The following SLC5A9 variants were observed in gnomAD, a reference collection of about 807,000 sequenced individuals.
SLC5A9 encodes the protein solute carrier family 5 member 9.
A neutral mutation model predicts 70.9 loss-of-function variants in SLC5A9; 59 were observed. The observed-to-expected ratio is 0.83, with a 90% confidence interval of 0.68 to 1.03. The LOEUF is 1.03. Ranked by LOEUF, SLC5A9 falls within the 50% of genes least tolerant of loss-of-function variation. SLC5A9 has a pLI of 0.00. For synonymous variants in SLC5A9, 340 were observed against 346.5 expected (o/e 0.98, Z 0.21); for missense variants, 832 against 881.1 (o/e 0.94, Z 0.71).
intron 2 of SLC5A9, chr1:48,228,494 C>T: frequency 4.4e-6 from 1 of 227,342 alleles, no homozygotes; most frequent in Non-Finnish European, 8.9e-6. Context: ...CTTCCCTATC[C>T]CCTTCAGCTT....
intron 5 of SLC5A9, 91 bp from the exon 6 acceptor site, chr1:48,231,442 GTGTGTCTTCTCT>G: frequency 7.2e-7 from 1 of 1,397,512 alleles, no homozygotes; most frequent in Non-Finnish European, 9.8e-7. Flanking sequence ...TAAGAGGGCT[GTGTGTCTTCTCT>G]GGTCTCCCCA....
In SLC5A9 at chr1:48,231,972, GGCCT is replaced by G; in HGVS notation, c.720_723del (p.Leu241SerfsTer33). 6.2e-7 allele frequency: 1 copy of G among 1,614,168 alleles called. No individual in the cohort carries two copies. The stretch of plus-strand genomic sequence containing the variant: ...CTTTCAGGACGTGGGCTGGTACCCA[GGCCT>G]GGAGCAGCGGTACAGGCAGGCCATC... On this transcript the variant is annotated frameshift_variant, in exon 7 of 14. Transcript: ENST00000438567. LOFTEE classifies it high-confidence loss of function.
rs1204506884 is a variant in SLC5A9 at position 48,222,845 on chromosome 1, G to A, written c.109G>A (p.Asp37Asn). 30 of 1,614,028 alleles carry A rather than the reference G, an allele frequency of 1.9e-5. 1 individual carries two copies. Among genetic ancestry groups the A allele is most frequent in the South Asian group, 7.7e-5 (7 of 91,076 alleles). ...LDSRVGLHAY[D>N]ISVVVIYFVF... is the part of the protein sequence containing the mutation. ...CTCCAGAGTTGGTCTGCACGCCTAC[G>A]ACATCAGCGTGGTGGTCATCTACTT... The change falls in exon 1 of 14, where the codon GAC becomes AAC. Residue 37 changes from aspartate to asparagine, a missense_variant. Asp to Asn is a conservative substitution (Grantham distance 23, BLOSUM62 1). Transcript: ENST00000438567.
intron 8 of SLC5A9, among the ~76,000 whole-genome samples, chr1:48,232,809 A>AAAGAG (rs143622039): frequency 6.7e-6 from 1 of 148,608 alleles, no homozygotes; most frequent in East Asian, 2.0e-4. Context: ...AAAGTAAAGA[A>AAAGAG]AAGAGAAGAG....
intron 13 of SLC5A9, among the ~76,000 whole-genome samples, chr1:48,243,880 C>T (rs1438341024): frequency 6.6e-6 from 1 of 152,096 alleles, no homozygotes; most frequent in Non-Finnish European, 1.5e-5. Flanking sequence ...TATTTTCTGC[C>T]TCAGTGAAAG....
chr1:48,232,056 C>T lies in SLC5A9; in HGVS notation c.802C>T (p.His268Tyr), dbSNP rs999167805. 6.2e-7 allele frequency: 1 copy of T among 1,614,176 alleles called. No individual in the cohort carries two copies. Among genetic ancestry groups the T allele is most frequent in the Non-Finnish European group, 8.5e-7 (1 of 1,180,006 alleles). ...TCACCTCCCACGGCCCGATGCTTTC[C>T]ACATTCTTCGGGACCCTGTGAGCGG... ...TCHLPRPDAF[H>Y]ILRDPVSGDI... The change falls in exon 7 of 14, where the codon CAC becomes TAC. Residue 268 changes from histidine (H) to tyrosine (Y), a missense_variant. By Grantham distance (83) the His-to-Tyr change is moderately conservative. Coordinates refer to ENST00000438567, the MANE Select transcript of SLC5A9 (RefSeq NM_001011547.3).
rs775413914 is a variant in SLC5A9 at position 48,239,381 on chromosome 1, G to C, written c.1521G>C (p.Glu507Asp). 6.2e-7 allele frequency: 1 copy of C among 1,614,172 alleles called. No homozygotes were observed. The highest frequency in any genetic ancestry group is 8.5e-7 in the Non-Finnish European group (1 of 1,180,022). ...TGGGGCTTCTGCGTATGATCCTGGA[G>C]TTCTCATACCCAGCGCCAGCCTGTG... ...LGVGLLRMILEFSYPAPACGE... is the reference protein window; with the variant it reads ...LGVGLLRMILDFSYPAPACGE... The change falls in exon 12 of 14, where the codon GAG (glutamate) becomes GAC (aspartate). Residue 507 changes from glutamate to aspartate, a missense_variant. By Grantham distance (45) the Glu-to-Asp change is conservative (BLOSUM62 2). Coordinates refer to ENST00000438567, the MANE Select transcript of SLC5A9 (RefSeq NM_001011547.3). This position sits in a 1 kb window ranked among gnomAD's most constrained non-coding sequence, Gnocchi z 4.2.
chr1:48,235,271 C>T (rs1351529981), intron 9 of SLC5A9, among the ~76,000 whole-genome samples: 1 of 152,210 alleles, frequency 6.6e-6, no homozygotes, highest in Non-Finnish European at 1.5e-5. Context: ...CCAACACCAC[C>T]ATGTCAATGA....
chr1:48,230,789 G>C (rs1644237604), intron 5 of SLC5A9, 84 bp downstream of exon 5: 1 of 1,012,024 alleles, frequency 9.9e-7, no homozygotes, highest in African/African-American at 1.6e-5. Context: ...CAACCAGAGA[G>C]AGAGACAGAG....
intron 13 of SLC5A9, among the ~76,000 whole-genome samples, chr1:48,242,932 G>C (rs1644409254): frequency 6.6e-6 from 1 of 152,086 alleles, no homozygotes; most frequent in African/African-American, 2.4e-5. Flanking sequence ...TCTGATCGGG[G>C]CACAGAATAA....
intron 1 of SLC5A9, 60 bp from the exon 2 acceptor site, chr1:48,224,664 G>T: frequency 6.4e-7 from 1 of 1,551,634 alleles, no homozygotes. Context: ...TGCGGGGAGG[G>T]GGCAGGGCAG....
rs878919184 is a variant in SLC5A9 at position 48,232,571 on chromosome 1, T to A, written c.1033+69T>A. On this transcript the variant is annotated intron_variant, in intron 8 of 13. Transcript: ENST00000438567. ...TCAAGGAGTGTCTGGAGAATGGGAA[T>A]GTGGCCCTGGACAATGTTAGGCCAG... is the stretch of plus-strand genomic sequence containing the variant. 4.0e-5 allele frequency: 63 copies of A among 1,590,802 alleles called. 1 individual carries two copies. The South Asian group carries it at 6.8e-4, about 17-fold the overall frequency.
At chr1:48,237,547 G>A (rs939294781) in intron 10 of SLC5A9, 132 bp from the exon 11 acceptor site, 4 of 826,612 alleles carry the variant, frequency 4.8e-6, no homozygotes, top group South Asian at 2.0e-5. Context: ...GATTCTGGCT[G>A]CCAACCTTCT....
At chr1:48,234,391 A>T (rs1331794190) in intron 9 of SLC5A9, among the ~76,000 whole-genome samples, 1 of 152,184 alleles carries the variant, frequency 6.6e-6, no homozygotes, top group Non-Finnish European at 1.5e-5. Context: ...CAGAGAGAGC[A>T]TGACTGGATT....
In SLC5A9 at chr1:48,247,481, T is replaced by A. The variant is rs936852864; in HGVS notation, c.1984T>A (p.Cys662Ser). Residue 662 changes from cysteine to serine, a missense_variant, in exon 14 of 14, where the codon TGC (cysteine) becomes AGC (serine). Cys to Ser is a moderately radical substitution (Grantham distance 112). Coordinates refer to ENST00000438567, the MANE Select transcript of SLC5A9 (RefSeq NM_001011547.3). The stretch of plus-strand genomic sequence containing the variant: ...GGAGGAGCCACTCTGGAGACATGTC[T>A]GCAACATCAATGCTGTCCTTTTGCT... ...IEEEPLWRHV[C>S]NINAVLLLAI... 1 of 1,614,210 alleles carries A rather than the reference T, an allele frequency of 6.2e-7. No homozygotes were observed. The highest frequency in any genetic ancestry group is 1.3e-5 in the African/African-American group (1 of 75,050).
chr1:48,226,750 C>G (rs1359047122), intron 2 of SLC5A9, among the ~76,000 whole-genome samples: 1 of 152,170 alleles, frequency 6.6e-6, no homozygotes, highest in African/African-American at 2.4e-5. Flanking sequence ...TTGTTGATGT[C>G]TCCTGGGTTA....
In SLC5A9 at chr1:48,230,653, G is replaced by A. The variant is rs1244434922; in HGVS notation, c.558G>A (p.Leu186=). ...TCCAGATGGCATTGGGCTGGAACCT[G>A]TACCTCTCCACAGGGATCCTGCTGG... ...LFIQMALGWN[L]YLSTGILLVV... is the part of the protein sequence containing the mutation. Residue 186 remains leucine (L), a synonymous_variant, in exon 5 of 14, where the codon CTG becomes CTA. Transcript: ENST00000438567. 1.9e-6 allele frequency: 3 copies of A among 1,613,982 alleles called. No homozygotes were observed. The highest frequency in any genetic ancestry group is 2.5e-6 in the Non-Finnish European group (3 of 1,180,020).
Position 48,237,708 on chromosome 1 carries a change from G to A in SLC5A9, c.1322G>A (p.Ser441Asn), listed in dbSNP as rs1644346371. ...RVFVVFLVVI[S>N]ILWIPIIQSS... Reference sequence around the variant, plus strand: ...TTTGTGGTGTTCCTGGTTGTCATCAGCATCCTCTGGATCCCCATCATCCAA... The same window carrying A: ...TTTGTGGTGTTCCTGGTTGTCATCAACATCCTCTGGATCCCCATCATCCAA... The change falls in exon 11 of 14, where the codon AGC becomes AAC. Residue 441 changes from serine (S) to asparagine (N), a missense_variant. Coordinates refer to ENST00000438567, the MANE Select transcript of SLC5A9 (RefSeq NM_001011547.3). The A allele has an allele frequency of 6.2e-7, 1 of 1,614,068 alleles. No homozygotes were observed. Among genetic ancestry groups the A allele is most frequent in the Non-Finnish European group, 8.5e-7 (1 of 1,180,026 alleles).
At chr1:48,230,528 C>A in intron 4 of SLC5A9, 72 bp from the exon 5 acceptor site, 1 of 973,230 alleles carries the variant, frequency 1.0e-6, no homozygotes, top group Non-Finnish European at 1.7e-6. Context: ...GCTGGGCAGG[C>A]AGGTGATGTG....
Sources: gnomAD v4.1 joint callset for allele counts (sites outside exome capture counted in the v4.1 genomes callset) on GRCh38, gnomAD v4.1.1 for gene constraint, Gnocchi (gnomAD v3.1) non-coding constraint, MANE v1.5 for transcripts, NCBI Gene and HGNC (gene_info 2026-07-23, HGNC 2026-07-21) for gene names.